Variants in KCNIP4 observed in about 807,000 individuals in gnomAD.
KCNIP4 encodes Kv channel-interacting protein 4.
A neutral mutation model predicts 34.0 loss-of-function variants in KCNIP4; 12 were observed. The ratio of observed to expected loss-of-function variants is 0.35; its 90% CI spans 0.23 to 0.57. KCNIP4 has a LOEUF of 0.57. Among genes scored for constraint, KCNIP4 ranks in the 20% least tolerant of loss-of-function variants. The pLI is 0.83. For missense variants in KCNIP4, 238 were observed against 311.7 expected, an observed-to-expected ratio of 0.76 and a Z score of 1.78; for synonymous variants, 124 against 102.2, an observed-to-expected ratio of 1.21 and a Z score of -1.29.
At chr4:21,449,086 G>C (rs769567622) in intron 1 of KCNIP4, among the ~76,000 whole-genome samples, 15 of 152,164 alleles carry the variant, frequency 9.9e-5, no homozygotes, top group Non-Finnish European at 2.2e-4. Context: ...AGCAGTCAGG[G>C]GCCCAGGCCC....
chr4:21,663,605 T>A (rs1748615048), intron 1 of KCNIP4, among the ~76,000 whole-genome samples: 1 of 152,212 alleles, frequency 6.6e-6, no homozygotes, highest in Admixed American at 6.5e-5. Context: ...GAACCTGTGA[T>A]CCTGACCTTG....
intron 1 of KCNIP4, among the ~76,000 whole-genome samples, chr4:21,194,934 A>G (rs1755949052): frequency 6.6e-6 from 1 of 152,114 alleles, no homozygotes; most frequent in African/African-American, 2.4e-5. Flanking sequence ...TGCTTTCACT[A>G]AGTTCCCACT....
At chr4:21,616,818 C>T (rs1281998879) in intron 1 of KCNIP4, among the ~76,000 whole-genome samples, 1 of 152,148 alleles carries the variant, frequency 6.6e-6, no homozygotes, top group Non-Finnish European at 1.5e-5. Context: ...AGTATGGCCT[C>T]ATCTTAATAC....
intron 1 of KCNIP4, among the ~76,000 whole-genome samples, chr4:21,329,184 C>T (rs962439905): frequency 1.3e-5 from 2 of 152,176 alleles, no homozygotes; most frequent in Non-Finnish European, 2.9e-5. Flanking sequence ...TTTATGCCTT[C>T]TACGATTGTA....
At chr4:21,529,414 TTAAGA>T (rs1299290050) in intron 1 of KCNIP4, among the ~76,000 whole-genome samples, 2 of 152,142 alleles carry the variant, frequency 1.3e-5, no homozygotes. Context: ...CTTCCTCAGG[TTAAGA>T]TAAGTTCAGG....
At chr4:21,675,585 C>T (rs1560617006) in intron 1 of KCNIP4, among the ~76,000 whole-genome samples, 1 of 152,074 alleles carries the variant, frequency 6.6e-6, no homozygotes, top group African/African-American at 2.4e-5. Flanking sequence ...ACTATGTACT[C>T]ACCAATTTTT....
chr4:21,201,688 C>G (rs1444661219), intron 1 of KCNIP4, among the ~76,000 whole-genome samples: 3 of 152,036 alleles, frequency 2.0e-5, no homozygotes, highest in Admixed American at 1.3e-4. Context: ...TTAGTAGAGA[C>G]AGGGTTTCAC....
At chr4:20,990,467 C>T (rs918939285) in intron 1 of KCNIP4, among the ~76,000 whole-genome samples, 62 of 152,256 alleles carry the variant, frequency 4.1e-4, no homozygotes, top group African/African-American at 1.4e-3. Flanking sequence ...TCCACAAGGT[C>T]GATTGGATTT....
chr4:20,888,945 T>G (rs1275072211), intron 1 of KCNIP4, among the ~76,000 whole-genome samples: 1 of 152,204 alleles, frequency 6.6e-6, no homozygotes, highest in Non-Finnish European at 1.5e-5. Context: ...CACAGCTTAC[T>G]ACAGAATGTT....
intron 3 of KCNIP4, among the ~76,000 whole-genome samples, chr4:20,829,307 A>G (rs1406958126): frequency 6.6e-6 from 1 of 152,022 alleles, no homozygotes; most frequent in Non-Finnish European, 1.5e-5. Flanking sequence ...ACCCGGGTTC[A>G]TGCCATTCTC....
At chr4:21,826,898 A>G (rs360698) in intron 1 of KCNIP4, among the ~76,000 whole-genome samples, 130,613 of 152,064 alleles carry the variant, frequency 0.86, 56,352 homozygotes, top group East Asian at 0.9. Context: ...ACCTAAAAAG[A>G]ATAGCAGAAG....
chr4:21,556,935 A>AAAAC (rs1270870368), intron 1 of KCNIP4, among the ~76,000 whole-genome samples: 4 of 149,234 alleles, frequency 2.7e-5, no homozygotes, highest in Middle Eastern at 3.4e-3. Context: ...AAAAAAAAAA[A>AAAAC]AAAAAAAACC....
chr4:21,607,956 G>A (rs1021188194), intron 1 of KCNIP4, among the ~76,000 whole-genome samples: 1 of 152,152 alleles, frequency 6.6e-6, no homozygotes, highest in Non-Finnish European at 1.5e-5. Context: ...CGCTGCAGGT[G>A]ACAGTTGTAT....
intron 1 of KCNIP4, among the ~76,000 whole-genome samples, chr4:21,488,812 A>C (rs576733611): frequency 6.6e-6 from 1 of 152,220 alleles, no homozygotes; most frequent in South Asian, 2.1e-4. Flanking sequence ...CAAGAGATCT[A>C]CTGAAAATAA....
chr4:21,388,259 A>C lies in KCNIP4; in HGVS notation c.62-505550T>G, dbSNP rs114937804. Among the ~76,000 whole-genome samples the C allele has an allele frequency of 6.2e-3, 935 of 149,968 alleles. 11 individuals are homozygous for C. The highest frequency in any genetic ancestry group is 0.022 in the African/African-American group (899 of 41,132). Reference sequence around the variant, plus strand: ...ATATTTTACATATATATGTAACCATATATAATAAATATATATGTAATAATA... The same window carrying C: ...ATATTTTACATATATATGTAACCATCTATAATAAATATATATGTAATAATA... On this transcript the variant is annotated intron_variant, in intron 1 of 8. Transcript: ENST00000382152.
intron 5 of KCNIP4, among the ~76,000 whole-genome samples, chr4:20,736,814 C>G (rs1365068043): frequency 2.0e-5 from 3 of 152,064 alleles, no homozygotes; most frequent in Non-Finnish European, 2.9e-5. Context: ...AAATAATTGT[C>G]AAATTCATAT....
chr4:21,218,313 C>T (rs569872301), intron 1 of KCNIP4, among the ~76,000 whole-genome samples: 3 of 152,204 alleles, frequency 2.0e-5, no homozygotes, highest in Admixed American at 1.3e-4. Flanking sequence ...CTGCACCCAG[C>T]CTGTATAGTT....
At chr4:21,664,687 C>A (rs151229043) in intron 1 of KCNIP4, among the ~76,000 whole-genome samples, 454 of 152,098 alleles carry the variant, frequency 3.0e-3, no homozygotes, top group African/African-American at 0.01. Context: ...CAGTTGCTTC[C>A]CAGATATACA....
rs1233393743 is a variant in KCNIP4 at position 21,482,378 on chromosome 4, C to G, written c.61+466193G>C. 2.6e-5 allele frequency among the ~76,000 whole-genome samples: 4 copies of G among 152,192 alleles called. No individual in the cohort carries two copies. In the East Asian group the frequency reaches 7.7e-4, roughly 29 times the overall value. On this transcript the variant is annotated intron_variant, in intron 1 of 8. Coordinates refer to ENST00000382152, the MANE Select transcript of KCNIP4 (RefSeq NM_025221.6). ...TATGATATTAGCAGGTTATTTTGCT[C>G]GTTAGTTGATGCAGTTTCTTCCTAG... is the stretch of plus-strand genomic sequence containing the variant.
Sources: gnomAD v4.1 joint callset for allele counts (sites outside exome capture counted in the v4.1 genomes callset) on GRCh38, gnomAD v4.1.1 for gene constraint, MANE v1.5 for transcripts, NCBI Gene and HGNC (gene_info 2026-07-23, HGNC 2026-07-21) for gene names.